The following MUCL1 variants were observed in gnomAD, a reference collection of about 807,000 sequenced individuals.
MUCL1 encodes mucin like 1.
In MUCL1, 11 loss-of-function variants were observed where a neutral mutation model predicts 9.2. That is an observed-to-expected ratio of 1.19 (90% CI 0.75 to 1.97). The LOEUF (loss-of-function observed/expected upper bound fraction) is 1.97, where lower values mean the gene tolerates loss of function less well. MUCL1 is among the 30% of genes most tolerant of loss of function. The pLI is 0.00. For missense variants in MUCL1, 144 were observed against 110.9 expected (o/e 1.30, Z -1.34); for synonymous variants, 48 against 40.5 (o/e 1.19, Z -0.71).
At chr12:54,848,573 G>A (rs577756995) in intron 1 of MUCL1, among the ~76,000 whole-genome samples, 33 of 152,096 alleles carry the variant, frequency 2.2e-4, no homozygotes, top group Middle Eastern at 3.4e-3. Context: ...TTAATATTTC[G>A]TATATACTCA....
intron 1 of MUCL1, among the ~76,000 whole-genome samples, chr12:54,831,063 G>A (rs1255397646): frequency 1.3e-5 from 2 of 152,106 alleles, no homozygotes; most frequent in African/African-American, 4.8e-5. Flanking sequence ...AAAGGTGAGA[G>A]GCAATTATTT....
chr12:54,839,362 G>A (rs969237769), upstream of MUCL1: 82 of 701,264 alleles, frequency 1.2e-4, 1 homozygote, highest in Admixed American at 3.8e-4. Context: ...TTCTCCCTCA[G>A]TATTTTATTT....
At chr12:54,853,296 T>G (rs1349909), upstream of MUCL1, among the ~76,000 whole-genome samples, 57,141 of 152,032 alleles carry the variant, frequency 0.38, 12,693 homozygotes, top group East Asian at 0.84. Context: ...CTTTGAGGCC[T>G]CAGTTGGGTC....
upstream of MUCL1, among the ~76,000 whole-genome samples, chr12:54,837,875 T>A (rs1959195807): frequency 6.6e-6 from 1 of 152,248 alleles, no homozygotes; most frequent in Non-Finnish European, 1.5e-5. Context: ...TTCTGCCAAT[T>A]TGTATCTTTT....
upstream of MUCL1, among the ~76,000 whole-genome samples, chr12:54,837,511 A>T (rs1160462105): frequency 6.6e-6 from 1 of 152,042 alleles, no homozygotes; most frequent in South Asian, 2.1e-4. Flanking sequence ...CATGCCTGTA[A>T]TCCCAGTACT....
upstream of MUCL1, among the ~76,000 whole-genome samples, chr12:54,850,421 G>A (rs1256292600): frequency 1.3e-5 from 2 of 148,544 alleles, no homozygotes; most frequent in East Asian, 4.0e-4. Flanking sequence ...TTGGTTTTTT[G>A]TCCTTGCGAT....
At chr12:54,853,768 A>T (rs888692703), upstream of MUCL1, among the ~76,000 whole-genome samples, 1 of 152,000 alleles carries the variant, frequency 6.6e-6, no homozygotes, top group African/African-American at 2.4e-5. Flanking sequence ...ATTAAATAAA[A>T]TTTTTGTGTG....
chr12:54,852,800 G>T (rs190469017), upstream of MUCL1, among the ~76,000 whole-genome samples: 203 of 152,200 alleles, frequency 1.3e-3, 5 homozygotes, highest in African/African-American at 2.9e-3. Flanking sequence ...TCCCTACGGG[G>T]TATAATCAGA....
upstream of MUCL1, among the ~76,000 whole-genome samples, chr12:54,836,979 T>G (rs888944712): frequency 2.4e-4 from 36 of 152,206 alleles, no homozygotes; most frequent in African/African-American, 8.4e-4. Flanking sequence ...TAAAATATAT[T>G]GACTTGTTTT....
chr12:54,835,172 T>C (rs1248694031), upstream of MUCL1, among the ~76,000 whole-genome samples: 1 of 152,200 alleles, frequency 6.6e-6, no homozygotes. Context: ...GGCACTTATA[T>C]TGGCTCCATA....
At chr12:54,855,050 T>A (rs781682732) in intron 1 of MUCL1, 66 bp from the exon 2 acceptor site, 209 of 1,388,412 alleles carry the variant, frequency 1.5e-4, no homozygotes, top group Admixed American at 2.3e-4. Context: ...GTCCATATTC[T>A]CTCTTACCTC....
intron 1 of MUCL1, among the ~76,000 whole-genome samples, chr12:54,840,835 A>T (rs147067395): frequency 2.6e-4 from 39 of 152,260 alleles, no homozygotes; most frequent in African/African-American, 9.4e-4. Flanking sequence ...CCCAGCTCCC[A>T]CGCATTTGGC....
At chr12:54,841,098 T>A (rs1444473296) in intron 1 of MUCL1, among the ~76,000 whole-genome samples, 1 of 152,232 alleles carries the variant, frequency 6.6e-6, no homozygotes, top group African/African-American at 2.4e-5. Context: ...TGTCTTTCTG[T>A]GCCTGGTTTA....
At chr12:54,850,592 C>T (rs1047954177), upstream of MUCL1, among the ~76,000 whole-genome samples, 1 of 152,004 alleles carries the variant, frequency 6.6e-6, no homozygotes, top group Non-Finnish European at 1.5e-5. Flanking sequence ...CAAGTCTTTG[C>T]TATTGTGAAT....
intron 1 of MUCL1, among the ~76,000 whole-genome samples, chr12:54,833,535 A>G (rs1249752018): frequency 6.6e-6 from 1 of 152,088 alleles, no homozygotes; most frequent in Admixed American, 6.6e-5. Context: ...TTTATTGGTC[A>G]TAAAGATATC....
At chr12:54,839,027 T>C (rs117833069), upstream of MUCL1, among the ~76,000 whole-genome samples, 2,004 of 151,846 alleles carry the variant, frequency 0.013, 23 homozygotes, top group Non-Finnish European at 0.023. Context: ...ATTATTTTTC[T>C]AGTTCCTTCT....
At chr12:54,842,808 T>C (rs1959219125) in intron 1 of MUCL1, among the ~76,000 whole-genome samples, 1 of 152,214 alleles carries the variant, frequency 6.6e-6, no homozygotes, top group Non-Finnish European at 1.5e-5. Flanking sequence ...CCTGCCTGAT[T>C]GCCCTGTTTG....
In MUCL1 at chr12:54,839,942, C is replaced by T. The variant is rs565023786; in HGVS notation, c.43+495C>T. Reference sequence around the variant, plus strand: ...CTGCACCTGTGCCTTTGCTTAGAGTCGCTTTTCACAAGCAGAAAGTTCTGG... The same window carrying T: ...CTGCACCTGTGCCTTTGCTTAGAGTTGCTTTTCACAAGCAGAAAGTTCTGG... On this transcript the variant is annotated intron_variant, in intron 1 of 3. Transcript: ENST00000546809. 4.9e-4 allele frequency among the ~76,000 whole-genome samples: 74 copies of T among 152,282 alleles called. No homozygotes were observed. The South Asian group carries it at 0.012, about 24-fold the overall frequency.
intron 2 of MUCL1, 43 bp downstream of exon 2, chr12:54,855,200 T>C: frequency 6.3e-7 from 1 of 1,579,796 alleles, no homozygotes; most frequent in African/African-American, 1.3e-5. Flanking sequence ...GCAATAACCA[T>C]TTTTCACTTC....
Sources: allele counts gnomAD v4.1 joint callset (sites outside exome capture counted in the v4.1 genomes callset), GRCh38; gene constraint gnomAD v4.1.1; transcripts MANE v1.5; gene names NCBI Gene and HGNC (gene_info 2026-07-23, HGNC 2026-07-21).